Variants in GMPR2 observed in about 807,000 individuals in gnomAD.
GMPR2 encodes GMP reductase 2.
GMPR2 carries 32 observed loss-of-function variants against 38.5 expected under a neutral mutation model. The observed-to-expected ratio is 0.83, with a 90% CI of 0.63 to 1.12. The LOEUF is 1.12. Among genes scored for constraint, GMPR2 ranks in the 50% most tolerant of loss-of-function variants. The pLI is 0.00. For missense variants in GMPR2, 396 were observed against 432.1 expected (o/e 0.92, Z 0.74); for synonymous variants, 154 against 151.0 (o/e 1.02, Z -0.15).
At chr14:24,232,889 GC>G (rs1349663112), upstream of GMPR2, 5 of 373,652 alleles carry the variant, frequency 1.3e-5, no homozygotes, top group East Asian at 1.0e-4. Flanking sequence ...AACCCTCCCC[GC>G]CCCCCGTCGC....
chr14:24,234,113 G>C (rs1057005082), intron 3 of GMPR2: 2 of 1,289,110 alleles, frequency 1.6e-6, no homozygotes, highest in African/African-American at 3.0e-5. Context: ...TAAGTCCTAG[G>C]TTCCTGGGAG....
chr14:24,237,079 T>A lies in GMPR2; in HGVS notation c.474T>A (p.Asn158Lys). The A allele has an allele frequency of 6.2e-6, 10 of 1,612,244 alleles. No homozygotes were observed. The highest frequency in any genetic ancestry group is 7.6e-6 in the Non-Finnish European group (9 of 1,178,276). ...RFPQHTIMAG[N>K]VVTGEMVEEL... The stretch of plus-strand genomic sequence containing the variant: ...CAATTGCTCTGTCTCAGGCAGGGAA[T>A]GTGGTAACAGGAGAGATGGTAGAAG... Residue 158 changes from asparagine (N) to lysine (K), a missense_variant, in exon 6 of 10, where the codon AAT (asparagine) becomes AAA (lysine). Coordinates refer to ENST00000399440, the MANE Select transcript of GMPR2 (RefSeq NM_001002002.3).
intron 3 of GMPR2, among the ~76,000 whole-genome samples, chr14:24,234,410 T>C (rs2040239344): frequency 6.6e-6 from 1 of 152,260 alleles, no homozygotes. Flanking sequence ...GTCATTTCTT[T>C]AAGGTTGATA....
In GMPR2 at chr14:24,233,503, T is replaced by C. The variant is rs757066380; in HGVS notation, c.112T>C (p.Phe38Leu). Reference sequence around the variant, plus strand: ...GGTGGATCTCACAAGATCCTTTTCATTTCGGAACTCAAAGCAGACATACTC... The same window carrying C: ...GGTGGATCTCACAAGATCCTTTTCACTTCGGAACTCAAAGCAGACATACTC... ...SEVDLTRSFS[F>L]RNSKQTYSGV... The change falls in exon 3 of 10, where the codon TTT becomes CTT. Residue 38 changes from phenylalanine (F) to leucine (L), a missense_variant. Physicochemically the swap from Phe to Leu is conservative, Grantham distance 22. Coordinates refer to ENST00000399440, the MANE Select transcript of GMPR2 (RefSeq NM_001002002.3). 2.5e-6 allele frequency: 4 copies of C among 1,613,992 alleles called. No individual in the cohort carries two copies. The East Asian group carries it at 6.7e-5, about 27-fold the overall frequency.
In GMPR2 at chr14:24,233,361, G is replaced by C; in HGVS notation, c.87+21G>C. The C allele has an allele frequency of 1.9e-6, 3 of 1,613,146 alleles. No individual in the cohort carries two copies. The East Asian group carries it at 6.7e-5, about 36-fold the overall frequency. ...GTGAGGTGAGCAAGCTTCTCTACTT[G>C]CTGTTTCTTGACCCCACGCTCCCGG... On this transcript the variant is annotated intron_variant, in intron 2 of 9. Transcript: ENST00000399440.
chr14:24,233,432 C>A (rs904979715), intron 2 of GMPR2, 47 bp from the exon 3 acceptor site: 24 of 1,608,426 alleles, frequency 1.5e-5, no homozygotes, highest in South Asian at 3.3e-5. Context: ...TAATATGGTA[C>A]GTTTTTTGGA....
At position 24,238,715 on chromosome 14, in the gene GMPR2, CAGG is replaced by C. The variant is rs747752684; in HGVS notation, c.987_989del (p.Arg330del). 4 of 1,613,990 alleles carry C rather than the reference CAGG, an allele frequency of 2.5e-6. No individual in the cohort carries two copies. Among genetic ancestry groups the C allele is most frequent in the East Asian group, 2.2e-5 (1 of 44,892 alleles). On this transcript the variant is annotated inframe_deletion, in exon 10 of 10. Transcript: ENST00000399440. ...GAGCAGCTAAGCTCAAAGAGTTGAG[CAGG>C]AGAACTACCTTCATCCGAGTCACCC... is the stretch of plus-strand genomic sequence containing the variant.
Position 24,237,145 on chromosome 14 carries a change from T to C in GMPR2, c.540T>C (p.Ile180=), listed in dbSNP as rs2040382469. 2.5e-6 allele frequency: 4 copies of C among 1,607,820 alleles called. No homozygotes were observed. In the South Asian group the frequency reaches 4.4e-5, roughly 18 times the overall value. ...LSGADIIKVG[I]GPGSVCTTRK... is the part of the protein sequence containing the mutation. ...GGGCTGACATCATCAAAGTGGGAAT[T>C]GGGCCAGGTAAGCTGGTTCATTGGG... The change falls in exon 6 of 10, where the codon ATT becomes ATC. Residue 180 remains isoleucine (I), a synonymous_variant. Transcript: ENST00000399440.
intron 5 of GMPR2, 169 bp from the exon 6 acceptor site, chr14:24,236,902 G>C: frequency 1.7e-6 from 1 of 587,424 alleles, no homozygotes. Flanking sequence ...TAGGGAGCAG[G>C]GTTCTCTAAA....
In GMPR2 at chr14:24,235,788, G is replaced by C; in HGVS notation, c.259G>C (p.Glu87Gln). Residue 87 changes from glutamate to glutamine, a missense_variant, in exon 4 of 10, where the codon GAG becomes CAG. Glu to Gln is a conservative substitution (Grantham distance 29). Transcript: ENST00000399440. ...GCACTATAGCCTCGTTCAGTGGCAA[G>C]AGTTTGCTGGCCAGAATCCTGACTG... Reference protein sequence around the residue: ...HKHYSLVQWQEFAGQNPDCLE... With the variant: ...HKHYSLVQWQQFAGQNPDCLE... 1 of 1,613,772 alleles carries C rather than the reference G, an allele frequency of 6.2e-7. No individual in the cohort carries two copies. The highest frequency in any genetic ancestry group is 8.5e-7 in the Non-Finnish European group (1 of 1,179,624).
chr14:24,235,585 G>A (rs538139128), intron 3 of GMPR2, 152 bp from the exon 4 acceptor site: 5 of 654,996 alleles, frequency 7.6e-6, no homozygotes, highest in Non-Finnish European at 1.4e-5. Context: ...GAGAAGAAAG[G>A]TTGAACTCAA....
chr14:24,233,100 A>G, intron 1 of GMPR2, 119 bp from the exon 2 acceptor site: 1 of 1,322,314 alleles, frequency 7.6e-7, no homozygotes, highest in Non-Finnish European at 1.1e-6. Context: ...GACAGGCTTC[A>G]GGGACCACAC....
At chr14:24,238,123 CAGA>C (rs1374862411) in intron 8 of GMPR2, 120 bp from the exon 9 acceptor site, 11 of 861,602 alleles carry the variant, frequency 1.3e-5, no homozygotes, top group Non-Finnish European at 2.0e-5. Flanking sequence ...GCTAGGGAAG[CAGA>C]AGGAGGAAGA....
chr14:24,234,654 A>C (rs1297891082), intron 3 of GMPR2, among the ~76,000 whole-genome samples: 1 of 152,228 alleles, frequency 6.6e-6, no homozygotes, highest in Non-Finnish European at 1.5e-5. Context: ...CAGGTTTTAG[A>C]GATAAGAGCC....
chr14:24,234,651 T>C (rs1269265580), intron 3 of GMPR2, among the ~76,000 whole-genome samples: 1 of 152,224 alleles, frequency 6.6e-6, no homozygotes, highest in Admixed American at 6.5e-5. Context: ...AATCAGGTTT[T>C]AGAGATAAGA....
rs753629443 is a variant in GMPR2, at chr14:24,237,298, G to A, written c.601G>A (p.Ala201Thr). Residue 201 changes from alanine to threonine, a missense_variant, in exon 7 of 10, where the codon GCA becomes ACA. Physicochemically the swap from Ala to Thr is moderately conservative, Grantham distance 58 (BLOSUM62 0). Coordinates refer to ENST00000399440, the MANE Select transcript of GMPR2 (RefSeq NM_001002002.3). The stretch of plus-strand genomic sequence containing the variant: ...TGGAGTGGGGTATCCACAGCTCAGC[G>A]CAGTGATGGAGTGTGCAGATGCTGC... ...KTGVGYPQLS[A>T]VMECADAAHG... 31 of 1,612,500 alleles carry A rather than the reference G, an allele frequency of 1.9e-5. No homozygotes were observed. The highest frequency in any genetic ancestry group is 1.1e-4 in the East Asian group (5 of 44,888).
At position 24,233,414 on chromosome 14, in the gene GMPR2, C is replaced by T. The variant is rs1208884651; in HGVS notation, c.88-65C>T. ...GGCCACAACCAAGAAAGATGCCTGT[C>T]CTTGTCCTAATATGGTACGTTTTTT... On this transcript the variant is annotated intron_variant, in intron 2 of 9. Coordinates refer to ENST00000399440, the MANE Select transcript of GMPR2 (RefSeq NM_001002002.3). 7 of 1,609,012 alleles carry T rather than the reference C, an allele frequency of 4.4e-6. No homozygotes were observed. The East Asian group carries it at 1.1e-4, about 26-fold the overall frequency.
At chr14:24,234,225 T>C (rs569792902) in intron 3 of GMPR2, 2 of 1,289,590 alleles carry the variant, frequency 1.6e-6, no homozygotes, top group South Asian at 2.5e-5. Flanking sequence ...CCTGCCTCTA[T>C]ACTTGTTGCT....
At chr14:24,233,665 G>C in intron 3 of GMPR2, 67 bp downstream of exon 3, 2 of 1,550,996 alleles carry the variant, frequency 1.3e-6, no homozygotes, top group Non-Finnish European at 1.8e-6. Context: ...AGAGGTGTTT[G>C]CATCCCCACC....
Sources: gnomAD v4.1 joint callset for allele counts (sites outside exome capture counted in the v4.1 genomes callset) on GRCh38, gnomAD v4.1.1 for gene constraint, MANE v1.5 for transcripts, NCBI Gene and HGNC (gene_info 2026-07-23, HGNC 2026-07-21) for gene names.